The following MIA2 variants were observed in gnomAD, a reference collection of about 807,000 sequenced individuals.
MIA2 encodes the protein MIA SH3 domain ER export factor 2.
A neutral mutation model predicts 167.8 loss-of-function variants in MIA2; 127 were observed. The observed-to-expected ratio is 0.76, with a 90% CI of 0.66 to 0.88. The LOEUF is 0.88. MIA2 is among the 40% of genes least tolerant of loss of function. The pLI is 0.00. For synonymous variants in MIA2, 552 were observed against 541.9 expected (o/e 1.02, Z -0.26); for missense variants, 1,690 against 1,624.7 (o/e 1.04, Z -0.69).
chr14:39,387,036 A>G (rs1322894918), exon 24 of MIA2: 5 of 701,478 alleles, frequency 7.1e-6, no homozygotes, highest in Non-Finnish European at 9.8e-6. Context: ...AAGGCCCTAC[A>G]GTGCCGGGTA....
chr14:39,277,610 A>G (rs572067331), intron 7 of MIA2, among the ~76,000 whole-genome samples: 43 of 142,234 alleles, frequency 3.0e-4, no homozygotes, highest in African/African-American at 1.1e-3. Context: ...CGGCCTCCCA[A>G]AGTCTTGGGA....
downstream of MIA2, among the ~76,000 whole-genome samples, chr14:39,353,966 G>A (rs1035672189): frequency 1.3e-5 from 2 of 152,180 alleles, no homozygotes; most frequent in African/African-American, 4.8e-5. Flanking sequence ...GTCTATCATT[G>A]TCGGACATTT....
intron 24 of MIA2, among the ~76,000 whole-genome samples, chr14:39,324,900 C>T (rs1277357082): frequency 6.6e-6 from 1 of 152,080 alleles, no homozygotes; most frequent in African/African-American, 2.4e-5. Flanking sequence ...AGCCATCACG[C>T]CTGGCTATTT....
chr14:39,350,425 CTT>C lies in MIA2; in HGVS notation c.*162_*163del. On this transcript the variant is annotated 3_prime_UTR_variant, in exon 29 of 29. Coordinates refer to ENST00000640607, the MANE Select transcript of MIA2 (RefSeq NM_001329214.4). ...AAATAAAGATGATTTAAATATGAAT[CTT>C]ATGAGTAAATTATTTCAATTTTATT... The C allele has an allele frequency of 2.3e-6, 1 of 442,460 alleles. No homozygotes were observed. Among genetic ancestry groups the C allele is most frequent in the Non-Finnish European group, 4.1e-6 (1 of 245,760 alleles). 27.4% of individuals were successfully genotyped at this position (442,460 alleles called of 1,614,324 possible).
At chr14:39,269,081 T>TTTTTTTTA in intron 6 of MIA2, 1 of 809,782 alleles carries the variant, frequency 1.2e-6, no homozygotes, top group Non-Finnish European at 1.4e-6. Flanking sequence ...ACAGTTTTTT[T>TTTTTTTTA]TTTTTTTTTT....
chr14:39,235,344 A>C (rs1285648956), intron 1 of MIA2, among the ~76,000 whole-genome samples: 1 of 152,208 alleles, frequency 6.6e-6, no homozygotes, highest in Non-Finnish European at 1.5e-5. Flanking sequence ...TCTAATTTGC[A>C]ACATGAAAAT....
At chr14:39,245,943 A>C (rs1195803841) in intron 3 of MIA2, among the ~76,000 whole-genome samples, 1 of 152,074 alleles carries the variant, frequency 6.6e-6, no homozygotes, top group East Asian at 1.9e-4. Context: ...AGGCAAACAC[A>C]CATGTGTTCA....
At chr14:39,260,298 G>T (rs996081848) in intron 6 of MIA2, among the ~76,000 whole-genome samples, 2 of 152,180 alleles carry the variant, frequency 1.3e-5, no homozygotes, top group Non-Finnish European at 2.9e-5. Flanking sequence ...TTCCACAGTG[G>T]TTGAACTAGT....
chr14:39,320,041 A>G (rs1272983880), intron 23 of MIA2, among the ~76,000 whole-genome samples: 1 of 152,152 alleles, frequency 6.6e-6, no homozygotes, highest in Non-Finnish European at 1.5e-5. Flanking sequence ...TTTAAAAAAT[A>G]TTAGATTATT....
In MIA2 at chr14:39,247,652, A is replaced by C; in HGVS notation, c.1078A>C (p.Thr360Pro). ...CACAGTTCCATGTACAGAAATATTA[A>C]CAGAAAAAAAAGACACAATCACTAA... is the stretch of plus-strand genomic sequence containing the variant. The part of the protein sequence containing the change: ...EATVPCTEIL[T>P]EKKDTITNDS... Residue 360 changes from threonine to proline, a missense_variant, in exon 4 of 29, where the codon ACA becomes CCA. Transcript: ENST00000640607. 2 of 1,609,962 alleles carry C rather than the reference A, an allele frequency of 1.2e-6. No individual in the cohort carries two copies. Among genetic ancestry groups the C allele is most frequent in the Admixed American group, 3.4e-5 (2 of 58,884 alleles).
rs191701350 is a variant in MIA2, at chr14:39,293,264, C to T, written c.2209-7C>T. 7 of 1,597,328 alleles carry T rather than the reference C, an allele frequency of 4.4e-6. No homozygotes were observed. The highest frequency in any genetic ancestry group is 4.0e-5 in the African/African-American group (3 of 74,444). ...ATCTGTTTAATAAAGTTGGCTTTCTCTCTTAGGCAACCTGTGAAAAGCTGA... is the reference window on the plus strand; with the variant it reads ...ATCTGTTTAATAAAGTTGGCTTTCTTTCTTAGGCAACCTGTGAAAAGCTGA... On this transcript the variant is annotated splice_region_variant and splice_polypyrimidine_tract_variant and intron_variant, in intron 10 of 28. Transcript: ENST00000640607.
intron 4 of MIA2, chr14:39,248,349 G>C (rs915336975): frequency 3.5e-6 from 1 of 283,256 alleles, no homozygotes; most frequent in African/African-American, 2.2e-5. Flanking sequence ...ATCTAAAGAT[G>C]CTCCAAGAAA....
At position 39,248,009 on chromosome 14, in the gene MIA2, T is replaced by C. The variant is rs2054387697; in HGVS notation, c.1435T>C (p.Leu479=). ...NFQNIPKETE[L]PFPKQILDQN... ...CCAGAACATTCCAAAGGAAACAGAA[T>C]TGCCATTTCCCAAACAGATACTGGA... The change falls in exon 4 of 29, where the codon TTG becomes CTG. Residue 479 remains leucine (L), a synonymous_variant. Transcript: ENST00000640607. The C allele has an allele frequency of 1.3e-6, 2 of 1,576,222 alleles. No individual in the cohort carries two copies. Among genetic ancestry groups the C allele is most frequent in the South Asian group, 2.4e-5 (2 of 83,280 alleles).
chr14:39,251,978 T>C (rs947484384), intron 4 of MIA2, among the ~76,000 whole-genome samples: 19 of 152,174 alleles, frequency 1.2e-4, no homozygotes, highest in Admixed American at 1.0e-3. Context: ...TTCTTAGTCA[T>C]ATATACTATA....
chr14:39,364,359 A>T (rs1296767883), intron 23 of MIA2, among the ~76,000 whole-genome samples: 1 of 148,234 alleles, frequency 6.7e-6, no homozygotes, highest in East Asian at 2.0e-4. Flanking sequence ...ACAGAGCAAG[A>T]CTCTCAAAAA....
chr14:39,314,629 TCATG>T, intron 19 of MIA2, 106 bp from the exon 20 acceptor site: 3 of 487,326 alleles, frequency 6.2e-6, no homozygotes, highest in African/African-American at 2.1e-5. Flanking sequence ...TTTTTTTTTT[TCATG>T]AAGTAGAGCA....
rs529960903 is a variant in MIA2, at chr14:39,250,653, G to A, written c.1568-2095G>A. Among the ~76,000 whole-genome samples, 584 of 150,730 alleles carry A rather than the reference G, an allele frequency of 3.9e-3. 2 individuals are homozygous for A. The highest frequency in any genetic ancestry group is 0.013 in the African/African-American group (536 of 41,118). ...GGAGGTTGCAGCGAGCTGAAATTGC[G>A]CCACTGCACTCCAGCCTGGGCAATA... On this transcript the variant is annotated intron_variant, in intron 4 of 28. Transcript: ENST00000640607.
chr14:39,314,819 T>TGTGTGTGTGTAC lies in MIA2; in HGVS notation c.3180+30_3180+31insACGTGTGTGTGT. Reference sequence around the variant, plus strand: ...GGGCAGGTATATATATATGTGTGTGTGTGTGTGTGTGTGTGTGTATATATA... The same window carrying TGTGTGTGTGTAC: ...GGGCAGGTATATATATATGTGTGTGTGTGTGTGTGTACGTGTGTGTGTGTGTGTGTATATATA... On this transcript the variant is annotated intron_variant, in intron 20 of 28. Transcript: ENST00000640607. 8.4e-7 allele frequency: 1 copy of TGTGTGTGTGTAC among 1,184,560 alleles called. No homozygotes were observed. Among genetic ancestry groups the TGTGTGTGTGTAC allele is most frequent in the East Asian group, 2.5e-5 (1 of 39,328 alleles). The allele number at this position is 1,184,560 out of a possible 1,614,324, so 73.4% of individuals were successfully genotyped here.
At chr14:39,344,554 A>C (rs935013350) in intron 25 of MIA2, among the ~76,000 whole-genome samples, 1 of 152,018 alleles carries the variant, frequency 6.6e-6, no homozygotes, top group African/African-American at 2.4e-5. Context: ...CTCTTTATTG[A>C]CTCTCGTTGA....
Sources: allele counts gnomAD v4.1 joint callset (sites outside exome capture counted in the v4.1 genomes callset), GRCh38; gene constraint gnomAD v4.1.1; transcripts MANE v1.5; gene names NCBI Gene and HGNC (gene_info 2026-07-23, HGNC 2026-07-21).